Variants in ADAT1 observed in about 807,000 individuals in gnomAD.
ADAT1 encodes tRNA-specific adenosine deaminase 1.
A neutral mutation model predicts 58.6 loss-of-function variants in ADAT1; 58 were observed. The observed-to-expected ratio is 0.99, with a 90% CI of 0.80 to 1.23. The LOEUF is 1.23. Among genes scored for constraint, ADAT1 ranks in the 50% most tolerant of loss-of-function variants. ADAT1 has a pLI of 0.00. For missense variants in ADAT1, 741 were observed against 608.6 expected (o/e 1.22, Z -2.29); for synonymous variants, 254 against 220.8 (o/e 1.15, Z -1.33).
chr16:75,609,954 C>A (rs1246749279), intron 6 of ADAT1, among the ~76,000 whole-genome samples: 1 of 152,150 alleles, frequency 6.6e-6, no homozygotes. Context: ...TCCTCCCACT[C>A]CAGCCTCCCA....
intron 9 of ADAT1, 89 bp from the exon 10 acceptor site, chr16:75,600,437 A>G (rs2081195647): frequency 2.6e-6 from 4 of 1,552,518 alleles, no homozygotes; most frequent in Non-Finnish European, 3.5e-6. Flanking sequence ...AACTGGACAG[A>G]CTTGTAATGA....
chr16:75,605,795 G>A (rs2081352125), intron 8 of ADAT1, among the ~76,000 whole-genome samples: 1 of 151,828 alleles, frequency 6.6e-6, no homozygotes, highest in African/African-American at 2.4e-5. Context: ...AAAATAGCTG[G>A]GTGAGATGGC....
In ADAT1 at chr16:75,612,343, G is replaced by C. The variant is rs1418487249; in HGVS notation, c.943C>G (p.Leu315Val). The C allele has an allele frequency of 1.2e-6, 2 of 1,614,062 alleles. No individual in the cohort carries two copies. Among genetic ancestry groups the C allele is most frequent in the South Asian group, 2.2e-5 (2 of 91,086 alleles). ...RWNVLGCQGA[L>V]LMHLLEEPIY... ...GGCTCTTCCAGCAAGTGCATCAACA[G>C]TGCCCCTTGGCATCCGAGGACGTTC... The change falls in exon 6 of 10, where the codon CTG becomes GTG. Residue 315 changes from leucine to valine, a missense_variant. Transcript: ENST00000564657.
chr16:75,615,106 A>G (rs1176651743), intron 5 of ADAT1, among the ~76,000 whole-genome samples: 2 of 151,598 alleles, frequency 1.3e-5, no homozygotes, highest in African/African-American at 2.4e-5. Context: ...GCATGCCTAT[A>G]TTCCCACCTA....
intron 5 of ADAT1, among the ~76,000 whole-genome samples, 178 bp from the exon 6 acceptor site, chr16:75,613,039 T>A (rs2081598320): frequency 6.6e-6 from 1 of 152,142 alleles, no homozygotes; most frequent in Non-Finnish European, 1.5e-5. Flanking sequence ...GCTCTCCAGG[T>A]GATTCTGATG....
intron 7 of ADAT1, 38 bp downstream of exon 7, chr16:75,608,805 G>GT (rs766844447): frequency 2.5e-6 from 4 of 1,590,800 alleles, no homozygotes; most frequent in Admixed American, 1.9e-5. Context: ...AGTCAGGGGA[G>GT]CAGTTACTCC....
chr16:75,599,522 G>C lies in ADAT1; in HGVS notation c.*694C>G. On this transcript the variant is annotated 3_prime_UTR_variant, in exon 10 of 10. Transcript: ENST00000564657. ...TGTTACTAGATCTTTGATTCTCTTG[G>C]CTGTTTCCTTTGTTGCCTTCATTCT... 1 of 985,790 alleles carries C rather than the reference G, an allele frequency of 1.0e-6. No homozygotes were observed. Among genetic ancestry groups the C allele is most frequent in the Non-Finnish European group, 1.2e-6 (1 of 829,894 alleles). 61.1% of individuals were successfully genotyped at this position (985,790 alleles called of 1,614,324 possible).
At position 75,599,021 on chromosome 16, in the gene ADAT1, A is replaced by C. The variant is rs1209391185; in HGVS notation, c.*1195T>G. 1.0e-6 allele frequency: 1 copy of C among 984,900 alleles called. No individual in the cohort carries two copies. Among genetic ancestry groups the C allele is most frequent in the Non-Finnish European group, 1.2e-6 (1 of 829,944 alleles). 61.0% of individuals were successfully genotyped at this position (984,900 alleles called of 1,614,324 possible). On this transcript the variant is annotated 3_prime_UTR_variant, in exon 10 of 10. Coordinates refer to ENST00000564657, the MANE Select transcript of ADAT1 (RefSeq NM_001324445.2). ...TTGAGTGTTAAACATTCGATGTTAA[A>C]ACAGGATTGGCTGCTGGGTCTATTG...
At chr16:75,619,500 G>A (rs538563748) in intron 3 of ADAT1, 28 of 414,528 alleles carry the variant, frequency 6.8e-5, no homozygotes, top group Middle Eastern at 4.4e-4. Context: ...TAGTACCACC[G>A]TACTTCAGTG....
At chr16:75,619,857 G>A in intron 3 of ADAT1, 1 of 260,958 alleles carries the variant, frequency 3.8e-6, no homozygotes, top group Admixed American at 5.4e-5. Flanking sequence ...TTGCCCCATT[G>A]CACTCCAGCC....
At chr16:75,600,860 T>G (rs920380567) in intron 9 of ADAT1, among the ~76,000 whole-genome samples, 1 of 152,218 alleles carries the variant, frequency 6.6e-6, no homozygotes, top group East Asian at 1.9e-4. Context: ...AAATATTAAA[T>G]TTAGAGATTT....
At chr16:75,616,694 T>C (rs1020678315) in intron 5 of ADAT1, among the ~76,000 whole-genome samples, 4 of 152,234 alleles carry the variant, frequency 2.6e-5, no homozygotes, top group Non-Finnish European at 5.9e-5. Flanking sequence ...TAAAAGACTA[T>C]GAAGGTAAGC....
intron 8 of ADAT1, among the ~76,000 whole-genome samples, chr16:75,607,102 C>A (rs1339049205): frequency 6.6e-6 from 1 of 151,908 alleles, no homozygotes; most frequent in Non-Finnish European, 1.5e-5. Flanking sequence ...TGGTGGCGGG[C>A]ATCTGTAGTC....
chr16:75,604,456 A>AAAAAAAAAAAATAT (rs1555508674), intron 8 of ADAT1, among the ~76,000 whole-genome samples: 3 of 48,786 alleles, frequency 6.1e-5, no homozygotes, highest in Admixed American at 3.5e-4. Context: ...AAAAAAAAAA[A>AAAAAAAAAAAATAT]ATATATATAT....
At chr16:75,617,370 A>G in intron 4 of ADAT1, 98 bp from the exon 5 acceptor site, 5 of 1,337,498 alleles carry the variant, frequency 3.7e-6, no homozygotes, top group Non-Finnish European at 5.2e-6. Context: ...ACTGTAGACT[A>G]ATGGGACTGG....
intron 7 of ADAT1, 123 bp downstream of exon 7, chr16:75,608,720 C>A: frequency 8.2e-7 from 1 of 1,222,178 alleles, no homozygotes; most frequent in Non-Finnish European, 1.1e-6. Context: ...GTCTCTAAAG[C>A]CCACACTACC....
At chr16:75,619,628 T>A (rs1356351850) in intron 3 of ADAT1, 2 of 455,304 alleles carry the variant, frequency 4.4e-6, no homozygotes, top group African/African-American at 4.0e-5. Context: ...TCAAGATTGC[T>A]TACCAGGTGC....
At position 75,603,302 on chromosome 16, in the gene ADAT1, G is replaced by A. The variant is rs754422446; in HGVS notation, c.1290-131C>T. The A allele has an allele frequency of 7.6e-5, 55 of 727,992 alleles. No homozygotes were observed. The African/African-American group carries it at 8.7e-4, about 11-fold the overall frequency. 45.1% of individuals were successfully genotyped at this position (727,992 alleles called of 1,614,324 possible). A position where few individuals can be genotyped will look rare whatever the true frequency, so the allele number is the denominator to read the frequency against. ...GAGCCCCTCATTTTCACCTGTACTT[G>A]GTGAGGAGAAAATCCAGACCTGGAT... is the stretch of plus-strand genomic sequence containing the variant. On this transcript the variant is annotated intron_variant, in intron 8 of 9. Coordinates refer to ENST00000564657, the MANE Select transcript of ADAT1 (RefSeq NM_001324445.2).
intron 5 of ADAT1, among the ~76,000 whole-genome samples, chr16:75,616,043 G>T (rs1041681787): frequency 3.4e-5 from 5 of 148,612 alleles, no homozygotes; most frequent in Admixed American, 6.8e-5. Context: ...GAGTCTTGCC[G>T]GGTCATCCAG....
Sources: allele counts gnomAD v4.1 joint callset (sites outside exome capture counted in the v4.1 genomes callset), GRCh38; gene constraint gnomAD v4.1.1; transcripts MANE v1.5; gene names NCBI Gene and HGNC (gene_info 2026-07-23, HGNC 2026-07-21).